BSN: variants seen among roughly 807,000 people sequenced by gnomAD.
The protein encoded by BSN is bassoon presynaptic cytomatrix protein.
A neutral mutation model predicts 264.8 loss-of-function variants in BSN; 57 were observed. That is an observed-to-expected ratio of 0.22 (90% CI 0.17 to 0.27). The LOEUF (loss-of-function observed/expected upper bound fraction) is 0.27. Ranked by LOEUF, BSN falls within the 10% of genes least tolerant of loss-of-function variation. The pLI, the probability that BSN is intolerant of heterozygous loss-of-function variation, is 1.00. For missense variants in BSN, 4,615 were observed against 5,232.5 expected, an observed-to-expected ratio of 0.88 and a Z score of 3.64; for synonymous variants, 2,059 against 2,137.3, an observed-to-expected ratio of 0.96 and a Z score of 1.01.
intron 1 of BSN, among the ~76,000 whole-genome samples, chr3:49,593,045 T>C (rs2051992993): frequency 6.6e-6 from 1 of 152,218 alleles, no homozygotes; most frequent in Non-Finnish European, 1.5e-5. Context: ...TCACCTCGTT[T>C]TGCCCAACCC....
At position 49,662,587 on chromosome 3, in the gene BSN, T is replaced by C. The variant is rs769278458; in HGVS notation, c.10717+25T>C. On this transcript the variant is annotated intron_variant, in intron 6 of 11. Transcript: ENST00000296452. ...GGTAATGGCAGCCAGGGGTGATTTCTGCGGATACTCAGCAGCTGGGGGGCC... is the reference window on the plus strand; with the variant it reads ...GGTAATGGCAGCCAGGGGTGATTTCCGCGGATACTCAGCAGCTGGGGGGCC... The C allele has an allele frequency of 1.4e-5, 22 of 1,558,868 alleles. No homozygotes were observed. In the South Asian group the frequency reaches 2.5e-4, roughly 17 times the overall value.
chr3:49,555,902 C>T (rs2051665451), intron 1 of BSN, among the ~76,000 whole-genome samples: 1 of 152,174 alleles, frequency 6.6e-6, no homozygotes, highest in Non-Finnish European at 1.5e-5. Context: ...TCTTTGGCTG[C>T]CCGACTGTGC....
At position 49,660,044 on chromosome 3, in the gene BSN, AC is replaced by A. The variant is rs1244214157; in HGVS notation, c.8641-441del. Among the ~76,000 whole-genome samples, 1 of 151,708 alleles carries A rather than the reference AC, an allele frequency of 6.6e-6. No individual in the cohort carries two copies. The highest frequency in any genetic ancestry group is 1.5e-5 in the Non-Finnish European group (1 of 67,888). On this transcript the variant is annotated intron_variant, in intron 5 of 11. Coordinates refer to ENST00000296452, the MANE Select transcript of BSN (RefSeq NM_003458.4). The surrounding 1 kb of genome is among the most constrained non-coding windows in gnomAD (Gnocchi z 7.1). Reference sequence around the variant, plus strand: ...GCCTGGCGGGCCCAGGACCCTCTCCACTCCATGCCTCCTGTTCATACTCCAC... The same window carrying A: ...GCCTGGCGGGCCCAGGACCCTCTCCATCCATGCCTCCTGTTCATACTCCAC...
At position 49,598,249 on chromosome 3, in the gene BSN, A is replaced by G. The variant is rs1225529210; in HGVS notation, c.225-26726A>G. On this transcript the variant is annotated intron_variant, in intron 1 of 11. Transcript: ENST00000296452. Reference sequence around the variant, plus strand: ...CTGGACATTTTAAGGAATATATTGTACAACTTGTTATTGATTCTGTCCTCT... The same window carrying G: ...CTGGACATTTTAAGGAATATATTGTGCAACTTGTTATTGATTCTGTCCTCT... 3.9e-5 allele frequency among the ~76,000 whole-genome samples: 6 copies of G among 152,324 alleles called. No individual in the cohort carries two copies. In the South Asian group the frequency reaches 6.2e-4, roughly 16 times the overall value.
At chr3:49,666,233 G>T (rs1367222350) in intron 11 of BSN, among the ~76,000 whole-genome samples, 4 of 152,238 alleles carry the variant, frequency 2.6e-5, no homozygotes, top group African/African-American at 9.6e-5. Flanking sequence ...GAGCCCTGGG[G>T]CTGGCAGATG....
At chr3:49,643,406 C>T (rs1292840591) in intron 3 of BSN, among the ~76,000 whole-genome samples, 4 of 152,196 alleles carry the variant, frequency 2.6e-5, no homozygotes, top group Non-Finnish European at 4.4e-5. Context: ...AAGGCTGATC[C>T]CAGAGTCCCT....
At position 49,657,376 on chromosome 3, in the gene BSN, G is replaced by A. The variant is rs1173595061; in HGVS notation, c.7820G>A (p.Ser2607Asn). The A allele has an allele frequency of 3.1e-6, 5 of 1,613,300 alleles. No individual in the cohort carries two copies. Among genetic ancestry groups the A allele is most frequent in the Middle Eastern group, 1.6e-4 (1 of 6,062 alleles). ...AGTCGGCGACGCCGGGCACGGCGGA[G>A]TGCTGACTGCAGTGTGCAGACGGAC... ...LLSRRRRARR[S>N]ADCSVQTDDE... The change falls in exon 5 of 12, where the codon AGT becomes AAT. Residue 2607 changes from serine (S) to asparagine (N), a missense_variant. Ser to Asn is a conservative substitution (Grantham distance 46, BLOSUM62 1). Transcript: ENST00000296452.
chr3:49,638,742 G>A lies in BSN; in HGVS notation c.634-3526G>A, dbSNP rs1410740702. 1.3e-5 allele frequency among the ~76,000 whole-genome samples: 2 copies of A among 152,248 alleles called. No homozygotes were observed. The highest frequency in any genetic ancestry group is 1.5e-5 in the Non-Finnish European group (1 of 68,042). On this transcript the variant is annotated intron_variant, in intron 2 of 11. Transcript: ENST00000296452. The surrounding 1 kb of genome is among the most constrained non-coding windows in gnomAD (Gnocchi z 4.3). ...CTGGGGAAAGGAAAGTTCTGGCGGT[G>A]AGTGCAGGCGGTTTGGCACGTGCCT...
chr3:49,589,081 A>AGTTTTT (rs2051957255), intron 1 of BSN, among the ~76,000 whole-genome samples: 1 of 29,478 alleles, frequency 3.4e-5, no homozygotes, highest in Non-Finnish European at 7.4e-5. Flanking sequence ...CGCCTGGCTA[A>AGTTTTT]ATTTTTTTTT....
Position 49,660,340 on chromosome 3 carries a change from G to C in BSN, c.8641-146G>C, listed in dbSNP as rs961537888. ...CCAAGGCCTATGGGTGGGCAGGGTA[G>C]GCCTCCAGGCTGCCTGGTAAATCAG... On this transcript the variant is annotated intron_variant, in intron 5 of 11. Coordinates refer to ENST00000296452, the MANE Select transcript of BSN (RefSeq NM_003458.4). The surrounding 1 kb of genome is among the most constrained non-coding windows in gnomAD (Gnocchi z 7.1). 6.8e-7 allele frequency: 1 copy of C among 1,474,170 alleles called. No homozygotes were observed. Among genetic ancestry groups the C allele is most frequent in the Non-Finnish European group, 9.0e-7 (1 of 1,107,556 alleles). The allele number at this position is 1,474,170 out of a possible 1,614,324, so 91.3% of individuals were successfully genotyped here. A position where few individuals can be genotyped will look rare whatever the true frequency, so the allele number is the denominator to read the frequency against.
chr3:49,566,865 G>T (rs2051755746), intron 1 of BSN, among the ~76,000 whole-genome samples: 1 of 145,688 alleles, frequency 6.9e-6, no homozygotes. Flanking sequence ...GTCCTTATCA[G>T]TTTTTTTTTT....
chr3:49,663,680 C>T lies in BSN; in HGVS notation c.11508+14C>T. On this transcript the variant is annotated intron_variant, in intron 7 of 11. Transcript: ENST00000296452. ...CCAGCAGGACCGGTAAGCAGAGCTCCCATGCATGGGTTGTAACCAGGGAAG... is the reference window on the plus strand; with the variant it reads ...CCAGCAGGACCGGTAAGCAGAGCTCTCATGCATGGGTTGTAACCAGGGAAG... The T allele has an allele frequency of 6.2e-7, 1 of 1,602,578 alleles. No individual in the cohort carries two copies. Among genetic ancestry groups the T allele is most frequent in the Non-Finnish European group, 8.5e-7 (1 of 1,173,250 alleles).
rs575643830 is a variant in BSN at position 49,640,062 on chromosome 3, G to A, written c.634-2206G>A. 2.0e-3 allele frequency among the ~76,000 whole-genome samples: 303 copies of A among 152,274 alleles called. 3 individuals are homozygous for A. The highest frequency in any genetic ancestry group is 6.9e-3 in the African/African-American group (288 of 41,554). On this transcript the variant is annotated intron_variant, in intron 2 of 11. Coordinates refer to ENST00000296452, the MANE Select transcript of BSN (RefSeq NM_003458.4). ...GGAGCCACGTGTGGGTAAATAAAAG[G>A]GGCCTTCTGCCCCAGAGATGAGACG...
intron 1 of BSN, among the ~76,000 whole-genome samples, chr3:49,617,531 C>T (rs2052270505): frequency 6.6e-6 from 1 of 152,032 alleles, no homozygotes; most frequent in African/African-American, 2.4e-5. Context: ...GGCCTCTCTG[C>T]TGATGAGGCC....
At chr3:49,569,225 G>A (rs530344688) in intron 1 of BSN, among the ~76,000 whole-genome samples, 1 of 152,078 alleles carries the variant, frequency 6.6e-6, no homozygotes, top group Non-Finnish European at 1.5e-5. Flanking sequence ...AGTCTGGGTT[G>A]GAAAAATAAA....
intron 1 of BSN, among the ~76,000 whole-genome samples, chr3:49,611,746 T>C (rs559519450): frequency 6.6e-6 from 1 of 152,358 alleles, no homozygotes; most frequent in East Asian, 1.9e-4. Context: ...AGTGCAGGAA[T>C]GCACTGTGAC....
intron 1 of BSN, among the ~76,000 whole-genome samples, chr3:49,568,308 T>C (rs531760887): frequency 2.6e-5 from 4 of 152,310 alleles, no homozygotes; most frequent in African/African-American, 9.6e-5. Flanking sequence ...AAGTAAAGAA[T>C]TGAAAACAAC....
At chr3:49,649,987 T>A (rs930457628) in intron 3 of BSN, among the ~76,000 whole-genome samples, 1 of 152,172 alleles carries the variant, frequency 6.6e-6, no homozygotes, top group Non-Finnish European at 1.5e-5. Context: ...CAAGGTGACT[T>A]GGGCTGGGGA....
rs1268055580 is a variant in BSN at position 49,650,929 on chromosome 3, C to A, written c.1836C>A (p.Val612=). The A allele has an allele frequency of 1.2e-6, 2 of 1,614,088 alleles. No homozygotes were observed. The highest frequency in any genetic ancestry group is 1.7e-6 in the Non-Finnish European group (2 of 1,180,050). The change falls in exon 4 of 12, where the codon GTC becomes GTA. Residue 612 remains valine, a synonymous_variant. Transcript: ENST00000296452. The stretch of plus-strand genomic sequence containing the variant: ...GTGTCCAGGAAAAGAAGACCCGAGT[C>A]CCCACTAAAGCTGAGCCCATGCCGA... ...PSSVQEKKTR[V]PTKAEPMPKP... is the part of the protein sequence containing the mutation.
Sources: gnomAD v4.1 joint callset for allele counts (sites outside exome capture counted in the v4.1 genomes callset) on GRCh38, gnomAD v4.1.1 for gene constraint, Gnocchi (gnomAD v3.1) non-coding constraint, MANE v1.5 for transcripts, NCBI Gene and HGNC (gene_info 2026-07-23, HGNC 2026-07-21) for gene names.